Variants in NSD1 observed in about 807,000 individuals in gnomAD.
NSD1 encodes the protein histone-lysine N-methyltransferase, H3 lysine-36 specific.
A neutral mutation model predicts 242.7 loss-of-function variants in NSD1; 26 were observed. The observed-to-expected ratio is 0.11, with a 90% CI of 0.08 to 0.15. The LOEUF (loss-of-function observed/expected upper bound fraction) is 0.15. Ranked by LOEUF, NSD1 falls within the 10% of genes least tolerant of loss-of-function variation. NSD1 has a pLI of 1.00. For synonymous variants in NSD1, 1,106 were observed against 1,178.1 expected (o/e 0.94, Z 1.25); for missense variants, 2,495 against 3,272.8 (o/e 0.76, Z 5.80).
At chr5:177,226,304 G>A (rs918078940) in intron 5 of NSD1, among the ~76,000 whole-genome samples, 2 of 152,116 alleles carry the variant, frequency 1.3e-5, no homozygotes, top group Admixed American at 1.3e-4. Flanking sequence ...CAAAGTGCTG[G>A]GATTACATGC....
intron 12 of NSD1, among the ~76,000 whole-genome samples, 189 bp from the exon 13 acceptor site, chr5:177,256,762 T>G (rs1756503427): frequency 6.6e-6 from 1 of 152,224 alleles, no homozygotes; most frequent in Non-Finnish European, 1.5e-5. Flanking sequence ...GTACTTTCTG[T>G]TGTATCACGT....
chr5:177,145,825 T>A (rs1757192787), intron 2 of NSD1, among the ~76,000 whole-genome samples: 2 of 151,686 alleles, frequency 1.3e-5, no homozygotes, highest in Non-Finnish European at 2.9e-5. Context: ...GAAGAATCAC[T>A]TGAACCCGGG....
intron 8 of NSD1, among the ~76,000 whole-genome samples, chr5:177,243,056 GA>G (rs1465996641): frequency 6.6e-6 from 1 of 152,198 alleles, no homozygotes; most frequent in African/African-American, 2.4e-5. Flanking sequence ...GGATTAATCT[GA>G]AGTCATTTTA....
chr5:177,242,575 T>G (rs1765964685), intron 8 of NSD1, among the ~76,000 whole-genome samples: 1 of 151,010 alleles, frequency 6.6e-6, no homozygotes, highest in Non-Finnish European at 1.5e-5. Flanking sequence ...TTGTCTAGGC[T>G]GGAATGCAAT....
chr5:177,235,889 G>A lies in NSD1; in HGVS notation c.3865G>A (p.Asp1289Asn), dbSNP rs1442557423. The change falls in exon 6 of 23, where the codon GAT becomes AAT. Residue 1289 changes from aspartate (D) to asparagine (N), a missense_variant. By Grantham distance (23) the Asp-to-Asn change is conservative. This residue lies in a region of NSD1 where 426 missense variants were observed against 411.4 expected (regional missense o/e 1.04). Transcript: ENST00000439151. Reference sequence around the variant, plus strand: ...GCTTTTGGAATATACAGAAGAATATGATCAGATATTTGCTCCTAAGAAAAA... The same window carrying A: ...GCTTTTGGAATATACAGAAGAATATAATCAGATATTTGCTCCTAAGAAAAA... ...KWLLEYTEEYDQIFAPKKKQK... is the reference protein window; with the variant it reads ...KWLLEYTEEYNQIFAPKKKQK... The A allele has an allele frequency of 6.2e-7, 1 of 1,613,950 alleles. No individual in the cohort carries two copies. The highest frequency in any genetic ancestry group is 8.5e-7 in the Non-Finnish European group (1 of 1,179,878).
intron 5 of NSD1, among the ~76,000 whole-genome samples, chr5:177,231,048 C>T (rs1443023776): frequency 2.0e-5 from 3 of 152,030 alleles, no homozygotes; most frequent in Non-Finnish European, 4.4e-5. Context: ...ACCTTGCCAC[C>T]TCAATAATTA....
chr5:177,244,363 G>A (rs527955701), intron 9 of NSD1, 93 bp downstream of exon 9: 11 of 874,610 alleles, frequency 1.3e-5, no homozygotes, highest in South Asian at 4.2e-5. Context: ...GTGTAAGCCC[G>A]ACCAGTGAGG....
chr5:177,164,827 C>T (rs1488019495), intron 2 of NSD1, among the ~76,000 whole-genome samples: 2 of 151,686 alleles, frequency 1.3e-5, no homozygotes, highest in Non-Finnish European at 1.5e-5. Flanking sequence ...CCTGTAATCC[C>T]AGCTACTCAG....
chr5:177,273,027 G>T (rs1758067282), intron 16 of NSD1, among the ~76,000 whole-genome samples: 2 of 152,172 alleles, frequency 1.3e-5, no homozygotes, highest in African/African-American at 4.8e-5. Flanking sequence ...TTCTGCCAGA[G>T]GAGAGTGAGC....
intron 2 of NSD1, among the ~76,000 whole-genome samples, chr5:177,150,422 G>A (rs1169750744): frequency 6.6e-6 from 1 of 152,078 alleles, no homozygotes; most frequent in Non-Finnish European, 1.5e-5. Context: ...GAGCCACCGC[G>A]CCCTGCCACA....
chr5:177,264,741 T>C (rs943166154), intron 14 of NSD1: 1 of 716,758 alleles, frequency 1.4e-6, no homozygotes, highest in Non-Finnish European at 2.6e-6. Context: ...TGGCCGAAAC[T>C]GCCATCTTCC....
chr5:177,194,828 A>C (rs1761984135), intron 3 of NSD1, among the ~76,000 whole-genome samples: 1 of 148,808 alleles, frequency 6.7e-6, no homozygotes, highest in Admixed American at 6.8e-5. Context: ...CAGCCTCCCG[A>C]GTACCTGGGA....
chr5:177,170,558 G>T (rs56150545), intron 2 of NSD1, among the ~76,000 whole-genome samples: 31,419 of 151,830 alleles, frequency 0.21, 3,795 homozygotes, highest in East Asian at 0.44. Context: ...TCACCATGTT[G>T]CCCAGGCTGG....
At chr5:177,263,469 G>C (rs896488339) in intron 14 of NSD1, among the ~76,000 whole-genome samples, 4 of 152,188 alleles carry the variant, frequency 2.6e-5, no homozygotes, top group East Asian at 1.9e-4. Context: ...ACCAATACAA[G>C]TAAGCAGTCA....
intron 5 of NSD1, among the ~76,000 whole-genome samples, chr5:177,224,287 AT>A (rs1263798570): frequency 2.0e-5 from 3 of 152,128 alleles, no homozygotes; most frequent in African/African-American, 7.2e-5. Context: ...AAGTCTTCCA[AT>A]CCATGAATAA....
rs764617265 is a variant in NSD1 at position 177,135,486 on chromosome 5, A to G, written c.383A>G (p.Gln128Arg). 1.2e-6 allele frequency: 2 copies of G among 1,614,118 alleles called. No individual in the cohort carries two copies. The highest frequency in any genetic ancestry group is 2.7e-5 in the African/African-American group (2 of 74,938). ...PGGPTALAMK[Q>R]EPSCNNSPEL... The stretch of plus-strand genomic sequence containing the variant: ...GGTCCTACAGCACTTGCTATGAAAC[A>G]GGAACCCTCTTGTAATAACTCCCCT... The change falls in exon 2 of 23, where the codon CAG becomes CGG. Residue 128 changes from glutamine (Q) to arginine (R), a missense_variant. By Grantham distance (43) the Gln-to-Arg change is conservative. Around this residue, in one of 19 missense-constraint regions of NSD1, gnomAD observed 376 missense variants for 367.4 expected, o/e 1.02. Coordinates refer to ENST00000439151, the MANE Select transcript of NSD1 (RefSeq NM_022455.5).
chr5:177,208,684 T>C (rs1038341560), intron 4 of NSD1, among the ~76,000 whole-genome samples: 2 of 151,824 alleles, frequency 1.3e-5, no homozygotes, highest in Admixed American at 6.6e-5. Context: ...GAACATGTGT[T>C]TGGCCTTCAT....
intron 3 of NSD1, among the ~76,000 whole-genome samples, chr5:177,199,627 GTC>G (rs1269623598): frequency 7.9e-6 from 1 of 127,146 alleles, no homozygotes; most frequent in Non-Finnish European, 1.6e-5. Flanking sequence ...TTGAGATGGA[GTC>G]TCTCTCTGTC....
At chr5:177,191,860 G>A (rs758680490) in intron 2 of NSD1, 24 bp from the exon 3 acceptor site, 1 of 1,612,442 alleles carries the variant, frequency 6.2e-7, no homozygotes, top group South Asian at 1.1e-5. Flanking sequence ...TCTTATTGAT[G>A]CCCCATGTTT....
Sources: allele counts gnomAD v4.1 joint callset (sites outside exome capture counted in the v4.1 genomes callset), GRCh38; gene constraint gnomAD v4.1.1; regional missense constraint gnomAD v4.1.1; transcripts MANE v1.5; gene names NCBI Gene and HGNC (gene_info 2026-07-23, HGNC 2026-07-21).